CNTN4: variants seen among roughly 807,000 people sequenced by gnomAD.
The protein encoded by CNTN4 is contactin-4.
CNTN4 carries 77 observed loss-of-function variants against 122.5 expected under a neutral mutation model. That is an observed-to-expected ratio of 0.63 (90% CI 0.52 to 0.76). The LOEUF is 0.76. Ranked by LOEUF, CNTN4 falls within the 30% of genes least tolerant of loss-of-function variation. CNTN4 has a pLI of 0.00. For synonymous variants in CNTN4, 512 were observed against 447.0 expected, an observed-to-expected ratio of 1.15 and a Z score of -1.83; for missense variants, 1,256 against 1,259.1, an observed-to-expected ratio of 1.00 and a Z score of 0.04.
At chr3:2,429,679 A>T (rs2047985991) in intron 3 of CNTN4, among the ~76,000 whole-genome samples, 1 of 152,140 alleles carries the variant, frequency 6.6e-6, no homozygotes, top group African/African-American at 2.4e-5. Context: ...TGCCCCGAAG[A>T]GTTGGAGTCT....
At chr3:2,984,220 C>CG (rs566486661) in intron 13 of CNTN4, among the ~76,000 whole-genome samples, 1,038 of 2,308 alleles carry the variant, frequency 0.45, 10 homozygotes, top group Middle Eastern at 0.5. Flanking sequence ...AAGCAGGAAG[C>CG]AGGATGGAAA....
intron 2 of CNTN4, among the ~76,000 whole-genome samples, chr3:2,309,997 G>A (rs1349052047): frequency 6.6e-6 from 1 of 152,136 alleles, no homozygotes; most frequent in African/African-American, 2.4e-5. Context: ...TGCTGGTGAT[G>A]TTTATGTCCC....
intron 3 of CNTN4, among the ~76,000 whole-genome samples, chr3:2,472,493 C>T (rs999780884): frequency 6.6e-6 from 1 of 152,124 alleles, no homozygotes; most frequent in African/African-American, 2.4e-5. Context: ...CCTGCCTCGG[C>T]GTCCCAAAGT....
chr3:2,500,873 T>C (rs1425938961), intron 3 of CNTN4, among the ~76,000 whole-genome samples: 1 of 152,172 alleles, frequency 6.6e-6, no homozygotes, highest in African/African-American at 2.4e-5. Flanking sequence ...TTTGTCAAGA[T>C]AAGGAACATT....
intron 21 of CNTN4, 115 bp from the exon 22 acceptor site, chr3:3,042,862 G>A: frequency 1.2e-6 from 1 of 816,160 alleles, no homozygotes; most frequent in Non-Finnish European, 2.1e-6. Context: ...CTCTGCTCAT[G>A]ATGTAGTATA....
chr3:2,777,610 G>C (rs1156438907), intron 6 of CNTN4, among the ~76,000 whole-genome samples: 1 of 152,160 alleles, frequency 6.6e-6, no homozygotes, highest in Non-Finnish European at 1.5e-5. Context: ...CAGGAGAGTA[G>C]GCTTTGCTGT....
In CNTN4 at chr3:2,262,227, G is replaced by A. The variant is rs1022472139; in HGVS notation, c.-144-76951G>A. The A allele has an allele frequency of 2.0e-5, 3 of 152,056 alleles. No homozygotes were observed. The East Asian group carries it at 5.8e-4, about 29-fold the overall frequency. The allele number at this position is 152,056 out of a possible 1,614,324, so 9.4% of individuals were successfully genotyped here. On this transcript the variant is annotated intron_variant, in intron 2 of 24. Transcript: ENST00000418658. ...ATTTTCTGCTCTGTATCTCCAACTGGACCAATTTTTCCAGATAATTTCTCC... is the reference window on the plus strand; with the variant it reads ...ATTTTCTGCTCTGTATCTCCAACTGAACCAATTTTTCCAGATAATTTCTCC...
intron 4 of CNTN4, among the ~76,000 whole-genome samples, chr3:2,640,013 C>G (rs1298841043): frequency 1.3e-5 from 2 of 152,016 alleles, no homozygotes; most frequent in African/African-American, 4.8e-5. Flanking sequence ...TTCAATGAAC[C>G]AAAAGTACAG....
intron 6 of CNTN4, among the ~76,000 whole-genome samples, chr3:2,787,278 A>G (rs2091865777): frequency 6.6e-6 from 1 of 152,106 alleles, no homozygotes; most frequent in African/African-American, 2.4e-5. Flanking sequence ...TGGGAGGCTG[A>G]GGCAGGAGAA....
chr3:2,546,324 C>CAA lies in CNTN4; in HGVS notation c.-88-25080_-88-25079dup, dbSNP rs56849200. ...TATATACAATAGAATACTATGCAGC[C>CAA]AAAAAAAAAAAAAGAACAAGATAAT... On this transcript the variant is annotated intron_variant, in intron 3 of 24. Coordinates refer to ENST00000418658, the MANE Select transcript of CNTN4 (RefSeq NM_175607.3). Among the ~76,000 whole-genome samples the CAA allele has an allele frequency of 6.6e-4, 91 of 138,164 alleles. 1 individual carries two copies. Among genetic ancestry groups the CAA allele is most frequent in the South Asian group, 3.2e-3 (14 of 4,358 alleles). 90.6% of individuals were successfully genotyped at this position (138,164 alleles called of 152,430 possible).
intron 3 of CNTN4, among the ~76,000 whole-genome samples, chr3:2,548,416 A>G (rs908095942): frequency 2.6e-5 from 4 of 152,150 alleles, no homozygotes; most frequent in Non-Finnish European, 5.9e-5. Context: ...TCCCAATACC[A>G]TTTATTAAAT....
At chr3:2,917,331 C>CG (rs1411803640) in intron 12 of CNTN4, among the ~76,000 whole-genome samples, 2,420 of 134,932 alleles carry the variant, frequency 0.018, 78 homozygotes, top group African/African-American at 0.063. Context: ...TGGTGGAAAG[C>CG]GGAATAGGGA....
intron 4 of CNTN4, among the ~76,000 whole-genome samples, chr3:2,721,665 G>A (rs2087864074): frequency 6.6e-6 from 1 of 151,938 alleles, no homozygotes; most frequent in African/African-American, 2.4e-5. Context: ...ACAGGGCTCT[G>A]TCAGTTACTG....
At chr3:2,857,676 C>T (rs1161981790) in intron 7 of CNTN4, among the ~76,000 whole-genome samples, 3 of 152,180 alleles carry the variant, frequency 2.0e-5, no homozygotes, top group African/African-American at 7.2e-5. Flanking sequence ...CTCCTGGGCG[C>T]AAGCGATCCT....
chr3:2,195,692 A>G (rs1429420404), intron 2 of CNTN4, among the ~76,000 whole-genome samples: 1 of 152,166 alleles, frequency 6.6e-6, no homozygotes, highest in Non-Finnish European at 1.5e-5. Context: ...TAAGCCCACC[A>G]CTGACAAGTG....
chr3:2,247,242 T>C (rs149194676), intron 2 of CNTN4, among the ~76,000 whole-genome samples: 42 of 152,102 alleles, frequency 2.8e-4, no homozygotes, highest in African/African-American at 9.4e-4. Flanking sequence ...GCTAGAGTGT[T>C]GAATGTTCAA....
intron 11 of CNTN4, among the ~76,000 whole-genome samples, chr3:2,902,541 T>C (rs1209386149): frequency 6.6e-6 from 1 of 152,140 alleles, no homozygotes; most frequent in Non-Finnish European, 1.5e-5. Context: ...CTAACTCTGG[T>C]CAGTACAAAG....
chr3:2,908,290 A>T (rs1003786443), intron 12 of CNTN4, among the ~76,000 whole-genome samples: 3 of 152,246 alleles, frequency 2.0e-5, no homozygotes, highest in Non-Finnish European at 2.9e-5. Context: ...AGTTCTACCC[A>T]TGTTTAGTAT....
At chr3:3,037,690 G>T (rs1263984974) in intron 18 of CNTN4, 4 of 343,106 alleles carry the variant, frequency 1.2e-5, no homozygotes, top group East Asian at 1.5e-4. Context: ...TAATGGCAAA[G>T]AATAATTTGT....
Sources: allele counts gnomAD v4.1 joint callset (sites outside exome capture counted in the v4.1 genomes callset), GRCh38; gene constraint gnomAD v4.1.1; transcripts MANE v1.5; gene names NCBI Gene and HGNC (gene_info 2026-07-23, HGNC 2026-07-21).